Variants in AUTS2 observed in about 807,000 individuals in gnomAD.
AUTS2 encodes the protein activator of transcription and developmental regulator AUTS2, also known as autism susceptibility gene 2 protein.
In AUTS2, 17 loss-of-function variants were observed where a neutral mutation model predicts 112.4. The observed-to-expected ratio is 0.15, with a 90% CI of 0.10 to 0.23. AUTS2 has a LOEUF of 0.23. Ranked by LOEUF, AUTS2 falls within the 10% of genes least tolerant of loss-of-function variation. AUTS2 has a pLI of 1.00. For synonymous variants in AUTS2, 751 were observed against 702.7 expected, an observed-to-expected ratio of 1.07 and a Z score of -1.09; for missense variants, 1,510 against 1,701.6, an observed-to-expected ratio of 0.89 and a Z score of 1.98.
chr7:70,125,620 G>C (rs1245346036), intron 3 of AUTS2, among the ~76,000 whole-genome samples: 2 of 152,046 alleles, frequency 1.3e-5, no homozygotes, highest in African/African-American at 4.8e-5. Flanking sequence ...CTCTGCCTTG[G>C]AGTTCCAGCT....
At chr7:70,347,313 A>T (rs190256622) in intron 4 of AUTS2, among the ~76,000 whole-genome samples, 1 of 152,296 alleles carries the variant, frequency 6.6e-6, no homozygotes, top group East Asian at 1.9e-4. Context: ...GCAGGTCTCT[A>T]TCACAGTCCA....
At chr7:70,524,601 G>A (rs1359001034) in intron 5 of AUTS2, among the ~76,000 whole-genome samples, 1 of 152,152 alleles carries the variant, frequency 6.6e-6, no homozygotes, top group African/African-American at 2.4e-5. Context: ...AAGGCATCAG[G>A]GAAGTACCTC....
At chr7:69,925,772 G>T (rs1439952608) in intron 2 of AUTS2, among the ~76,000 whole-genome samples, 2 of 152,034 alleles carry the variant, frequency 1.3e-5, no homozygotes, top group African/African-American at 2.4e-5. Flanking sequence ...TTCCCTCCTT[G>T]GCCTCCCAAA....
At chr7:70,217,557 T>C (rs1175675164) in intron 4 of AUTS2, among the ~76,000 whole-genome samples, 1 of 152,228 alleles carries the variant, frequency 6.6e-6, no homozygotes, top group Non-Finnish European at 1.5e-5. Context: ...TCCCAGTCTG[T>C]CTTGCAGCTA....
chr7:69,616,520 C>T (rs1793384331), intron 1 of AUTS2, among the ~76,000 whole-genome samples: 1 of 152,112 alleles, frequency 6.6e-6, no homozygotes, highest in Non-Finnish European at 1.5e-5. Flanking sequence ...TTTTTTCCCC[C>T]CACAACTAGA....
At chr7:69,914,094 A>T (rs535628992) in intron 2 of AUTS2, among the ~76,000 whole-genome samples, 5 of 152,092 alleles carry the variant, frequency 3.3e-5, no homozygotes, top group Non-Finnish European at 5.9e-5. Context: ...CACATTTATA[A>T]TTATAGATTT....
At chr7:70,316,061 C>T (rs1408452596) in intron 4 of AUTS2, among the ~76,000 whole-genome samples, 3 of 152,256 alleles carry the variant, frequency 2.0e-5, no homozygotes, top group Middle Eastern at 3.4e-3. Flanking sequence ...AGAGTTAGAA[C>T]TCATTAAATG....
intron 5 of AUTS2, among the ~76,000 whole-genome samples, chr7:70,651,363 T>A (rs1806497410): frequency 6.6e-6 from 1 of 152,228 alleles, no homozygotes; most frequent in Non-Finnish European, 1.5e-5. Context: ...CAGGGTTTTG[T>A]GAGGCGACTT....
chr7:69,970,087 C>T (rs1797788272), intron 2 of AUTS2, among the ~76,000 whole-genome samples: 2 of 152,144 alleles, frequency 1.3e-5, no homozygotes, highest in Admixed American at 1.3e-4. Flanking sequence ...TTAACCACCA[C>T]CACACTAACA....
At chr7:69,633,982 G>C (rs1470275842) in intron 1 of AUTS2, among the ~76,000 whole-genome samples, 2 of 152,100 alleles carry the variant, frequency 1.3e-5, no homozygotes, top group African/African-American at 2.4e-5. Flanking sequence ...TTTGTGGTCT[G>C]AGCTTTTGTT....
intron 1 of AUTS2, among the ~76,000 whole-genome samples, chr7:69,650,697 C>T (rs552442221): frequency 2.6e-5 from 4 of 152,322 alleles, no homozygotes; most frequent in South Asian, 2.1e-4. Flanking sequence ...TGGGATTGCA[C>T]GGGTTGCAAG....
At chr7:70,600,870 G>A (rs976534639) in intron 5 of AUTS2, among the ~76,000 whole-genome samples, 1 of 152,062 alleles carries the variant, frequency 6.6e-6, no homozygotes, top group Non-Finnish European at 1.5e-5. Flanking sequence ...TTCCTTCATG[G>A]GACAAATCAT....
At chr7:70,644,020 C>G (rs1208003943) in intron 5 of AUTS2, among the ~76,000 whole-genome samples, 1 of 152,136 alleles carries the variant, frequency 6.6e-6, no homozygotes, top group Non-Finnish European at 1.5e-5. Flanking sequence ...CTTTCCTGAC[C>G]AGTTCCTTGG....
chr7:69,697,207 G>T (rs565818806), intron 1 of AUTS2, among the ~76,000 whole-genome samples: 1 of 152,302 alleles, frequency 6.6e-6, no homozygotes, highest in Admixed American at 6.5e-5. Context: ...ACTAGTCCAA[G>T]GACCTTACTC....
intron 4 of AUTS2, among the ~76,000 whole-genome samples, chr7:70,184,409 G>T (rs1809491454): frequency 6.6e-6 from 1 of 152,110 alleles, no homozygotes; most frequent in Non-Finnish European, 1.5e-5. Flanking sequence ...TGGAAATGGG[G>T]TGCCACATCT....
chr7:69,973,538 T>C (rs530637822), intron 2 of AUTS2, among the ~76,000 whole-genome samples: 1 of 152,214 alleles, frequency 6.6e-6, no homozygotes, highest in Non-Finnish European at 1.5e-5. Flanking sequence ...ATTCAGTCTT[T>C]TGCTGTTTAG....
intron 4 of AUTS2, among the ~76,000 whole-genome samples, chr7:70,371,432 C>T (rs1459188977): frequency 6.6e-6 from 1 of 152,196 alleles, no homozygotes; most frequent in African/African-American, 2.4e-5. Context: ...GAGACACCTG[C>T]TAACTGAATT....
intron 2 of AUTS2, among the ~76,000 whole-genome samples, chr7:69,993,745 C>T (rs1043342127): frequency 6.6e-6 from 1 of 151,866 alleles, no homozygotes; most frequent in African/African-American, 2.4e-5. Flanking sequence ...GTCTCTCTGT[C>T]TCTGTCTCTG....
At chr7:70,301,850 C>G (rs1257536773) in intron 4 of AUTS2, among the ~76,000 whole-genome samples, 3 of 152,052 alleles carry the variant, frequency 2.0e-5, no homozygotes, top group African/African-American at 7.2e-5. Flanking sequence ...CTTCTGCCTC[C>G]CAGGCTCAAG....
Sources: allele counts gnomAD v4.1 joint callset (sites outside exome capture counted in the v4.1 genomes callset), GRCh38; gene constraint gnomAD v4.1.1; transcripts MANE v1.5; gene names NCBI Gene and HGNC (gene_info 2026-07-23, HGNC 2026-07-21).